GLIS3: variants seen among roughly 807,000 people sequenced by gnomAD.
The protein encoded by GLIS3 is zinc finger protein GLIS3.
In GLIS3, 53 loss-of-function variants were observed where a neutral mutation model predicts 78.6. That is an observed-to-expected ratio of 0.67 (90% CI 0.54 to 0.85). The LOEUF (loss-of-function observed/expected upper bound fraction) is 0.85, where lower values mean the gene tolerates loss of function less well. Ranked by LOEUF, GLIS3 falls within the 40% of genes least tolerant of loss-of-function variation. GLIS3 has a pLI of 0.00. For synonymous variants in GLIS3, 684 were observed against 509.9 expected, an observed-to-expected ratio of 1.34 and a Z score of -4.60; for missense variants, 1,703 against 1,231.1, an observed-to-expected ratio of 1.38 and a Z score of -5.74.
At chr9:4,391,092 G>A in the GLIS3 span, among the ~76,000 whole-genome samples, 8 of 151,652 alleles carry the variant, frequency 5.3e-5, no homozygotes, top group Non-Finnish European at 7.4e-5. Flanking sequence ...GCCCACCATC[G>A]CTGCCAGGAT....
At chr9:4,092,818 T>C (rs770117632) in intron 4 of GLIS3, among the ~76,000 whole-genome samples, 7 of 152,250 alleles carry the variant, frequency 4.6e-5, no homozygotes, top group African/African-American at 9.6e-5. Context: ...ACGTATAGTA[T>C]AGTAAATACA....
chr9:3,906,668 C>T (rs1052226025), intron 6 of GLIS3, among the ~76,000 whole-genome samples: 2 of 152,208 alleles, frequency 1.3e-5, no homozygotes, highest in African/African-American at 4.8e-5. Flanking sequence ...TGCTGCATTT[C>T]TGCCTCAGGC....
At chr9:4,038,471 A>G (rs182130900) in intron 4 of GLIS3, among the ~76,000 whole-genome samples, 1 of 152,350 alleles carries the variant, frequency 6.6e-6, no homozygotes, top group Admixed American at 6.5e-5. Context: ...TTTCAGAGAA[A>G]TGACCACTTG....
At chr9:4,197,013 C>T (rs1411104897) in intron 2 of GLIS3, among the ~76,000 whole-genome samples, 4 of 152,206 alleles carry the variant, frequency 2.6e-5, no homozygotes, top group South Asian at 2.1e-4. Context: ...CCACCTTTCA[C>T]GGACATAGAT....
chr9:3,974,519 A>G (rs1231130920), intron 4 of GLIS3, among the ~76,000 whole-genome samples: 1 of 152,216 alleles, frequency 6.6e-6, no homozygotes, highest in African/African-American at 2.4e-5. Flanking sequence ...GCAGAAAACT[A>G]TCCCAATGAC....
At chr9:4,113,682 C>G (rs1361218593) in intron 4 of GLIS3, among the ~76,000 whole-genome samples, 1 of 152,178 alleles carries the variant, frequency 6.6e-6, no homozygotes, top group Non-Finnish European at 1.5e-5. Flanking sequence ...TTCCTCAAGA[C>G]ATGTCTTATG....
intron 2 of GLIS3, among the ~76,000 whole-genome samples, chr9:4,149,059 C>A (rs1834457667): frequency 6.6e-6 from 1 of 152,130 alleles, no homozygotes; most frequent in South Asian, 2.1e-4. Flanking sequence ...CAGAGTTTAC[C>A]TAGCTATCAA....
intron 4 of GLIS3, among the ~76,000 whole-genome samples, chr9:4,039,568 A>G (rs10974297): frequency 0.14 from 20,650 of 152,038 alleles, 1,904 homozygotes; most frequent in East Asian, 0.44. Flanking sequence ...AACTCCCTCA[A>G]TTTTCTAGGC....
At chr9:4,092,169 T>C (rs1464484023) in intron 4 of GLIS3, among the ~76,000 whole-genome samples, 1 of 104,170 alleles carries the variant, frequency 9.6e-6, no homozygotes, top group Non-Finnish European at 2.0e-5. Context: ...TTTTTTTTTT[T>C]GAGACAGAGT....
chr9:4,231,108 G>C (rs1000325639), intron 2 of GLIS3, among the ~76,000 whole-genome samples: 1 of 844 alleles, frequency 1.2e-3, no homozygotes, highest in Non-Finnish European at 3.0e-3. Context: ...ATATGTTCAG[G>C]ATAATGAGAT....
chr9:3,898,794 A>G lies in GLIS3; in HGVS notation c.2025T>C (p.Asp675=), dbSNP rs1823065360. The G allele has an allele frequency of 1.9e-6, 3 of 1,614,142 alleles. No individual in the cohort carries two copies. The highest frequency in any genetic ancestry group is 2.5e-6 in the Non-Finnish European group (3 of 1,180,026). The stretch of plus-strand genomic sequence containing the variant: ...GCTGCAGGGACTGCACGGTGAGGCA[A>G]TCTGTGAGCAGGTCTGGATGGAGCT... The part of the protein sequence containing the change: ...STELHPDLLT[D]CLTVQSLQPA... Residue 675 remains aspartate, a synonymous_variant, in exon 7 of 11, where the codon GAT becomes GAC. Transcript: ENST00000381971.
At chr9:4,446,065 G>A in the GLIS3 span, among the ~76,000 whole-genome samples, 2 of 152,102 alleles carry the variant, frequency 1.3e-5, no homozygotes, top group African/African-American at 4.8e-5. Flanking sequence ...ATGGTGTGTT[G>A]CCAAACAAAA....
At chr9:4,142,349 CA>C (rs1833874500) in intron 2 of GLIS3, among the ~76,000 whole-genome samples, 1 of 152,116 alleles carries the variant, frequency 6.6e-6, no homozygotes, top group Admixed American at 6.6e-5. Context: ...GAGTAAATAA[CA>C]CATAATAAAC....
intron 1 of GLIS3, among the ~76,000 whole-genome samples, chr9:4,292,644 G>A (rs1051767106): frequency 1.3e-5 from 2 of 152,178 alleles, no homozygotes; most frequent in South Asian, 4.1e-4. Flanking sequence ...TCACTGTGCA[G>A]TAAGTATCAA....
At chr9:4,194,407 G>A (rs34584735) in intron 2 of GLIS3, among the ~76,000 whole-genome samples, 20,569 of 152,092 alleles carry the variant, frequency 0.14, 1,539 homozygotes, top group Middle Eastern at 0.23. Flanking sequence ...AAAAAAATTA[G>A]AATGTTGAAA....
chr9:4,284,120 A>C (rs926197719), intron 2 of GLIS3, among the ~76,000 whole-genome samples: 2 of 152,210 alleles, frequency 1.3e-5, no homozygotes, highest in African/African-American at 4.8e-5. Flanking sequence ...AGTATTCCCA[A>C]GCTCCTTACT....
At chr9:4,286,937 A>G (rs557369762) in intron 1 of GLIS3, among the ~76,000 whole-genome samples, 2 of 152,228 alleles carry the variant, frequency 1.3e-5, no homozygotes, top group Non-Finnish European at 2.9e-5. Context: ...AAGTTCCAGT[A>G]AACAACCACA....
chr9:4,059,829 T>TGTGTGTGTGTGAGA, intron 4 of GLIS3, among the ~76,000 whole-genome samples: 1,454 of 100,716 alleles, frequency 0.014, 25 homozygotes, highest in Non-Finnish European at 0.023. Context: ...TGTGTGTGTG[T>TGTGTGTGTGTGAGA]GAGAGAGAGA....
chr9:4,116,136 A>C (rs1831619923), intron 4 of GLIS3, among the ~76,000 whole-genome samples: 1 of 152,252 alleles, frequency 6.6e-6, no homozygotes, highest in African/African-American at 2.4e-5. Flanking sequence ...TTGCAATGCA[A>C]AAAATATTTT....
Sources: gnomAD v4.1 joint callset for allele counts (sites outside exome capture counted in the v4.1 genomes callset) on GRCh38, gnomAD v4.1.1 for gene constraint, MANE v1.5 for transcripts, NCBI Gene and HGNC (gene_info 2026-07-23, HGNC 2026-07-21) for gene names.